The following GRB14 variants were observed in gnomAD, a reference collection of about 807,000 sequenced individuals.
GRB14 encodes growth factor receptor-bound protein 14.
In GRB14, 38 loss-of-function variants were observed where a neutral mutation model predicts 69.1. The ratio of observed to expected loss-of-function variants is 0.55; its 90% CI spans 0.42 to 0.72. The LOEUF (loss-of-function observed/expected upper bound fraction) is 0.72. Ranked by LOEUF, GRB14 falls within the 30% of genes least tolerant of loss-of-function variation. The pLI, the probability that GRB14 is intolerant of heterozygous loss-of-function variation, is 0.00. For synonymous variants in GRB14, 247 were observed against 241.3 expected (o/e 1.02, Z -0.22); for missense variants, 666 against 666.1 (o/e 1.00, Z 0.00).
chr2:164,615,656 C>A (rs1690272717), intron 2 of GRB14, among the ~76,000 whole-genome samples: 1 of 152,172 alleles, frequency 6.6e-6, no homozygotes, highest in East Asian at 1.9e-4. Flanking sequence ...AATAGAAGAT[C>A]TGAAAAATCC....
chr2:164,493,746 C>T (rs1334844489), intron 13 of GRB14, among the ~76,000 whole-genome samples: 1 of 151,960 alleles, frequency 6.6e-6, no homozygotes, highest in African/African-American at 2.4e-5. Context: ...TTTATATAGC[C>T]TTTGGATAAC....
At chr2:164,540,331 C>A (rs914957707) in intron 3 of GRB14, among the ~76,000 whole-genome samples, 2 of 152,336 alleles carry the variant, frequency 1.3e-5, no homozygotes, top group Admixed American at 1.3e-4. Flanking sequence ...CATCTCCCAG[C>A]TGGTTGTGGT....
chr2:164,514,035 A>G (rs1687411765), intron 6 of GRB14, among the ~76,000 whole-genome samples: 1 of 152,258 alleles, frequency 6.6e-6, no homozygotes, highest in Non-Finnish European at 1.5e-5. Flanking sequence ...AAACTTCTGC[A>G]CATGTGTATC....
At chr2:164,574,431 G>A (rs1459656009) in intron 2 of GRB14, among the ~76,000 whole-genome samples, 2 of 151,660 alleles carry the variant, frequency 1.3e-5, no homozygotes, top group Admixed American at 1.3e-4. Context: ...TAGTAGAGAC[G>A]GGGTTCACCA....
At chr2:164,619,920 T>C (rs570274175) in intron 1 of GRB14, 101 bp from the exon 2 acceptor site, 83 of 911,258 alleles carry the variant, frequency 9.1e-5, no homozygotes, top group African/African-American at 9.1e-4. Context: ...TGTACCACTC[T>C]GTGACAAGGC....
intron 13 of GRB14, among the ~76,000 whole-genome samples, chr2:164,493,789 G>GAAA (rs200474918): frequency 9.0e-4 from 133 of 147,686 alleles, no homozygotes; most frequent in African/African-American, 3.2e-3. Context: ...GGACGCACTA[G>GAAA]TAATTTAGCA....
chr2:164,499,008 C>T (rs993525704), intron 9 of GRB14, among the ~76,000 whole-genome samples: 1 of 152,196 alleles, frequency 6.6e-6, no homozygotes. Context: ...CTTCTCACCC[C>T]GTGATCTTCT....
chr2:164,543,782 A>T (rs1056461947), intron 3 of GRB14, among the ~76,000 whole-genome samples: 1 of 152,224 alleles, frequency 6.6e-6, no homozygotes, highest in African/African-American at 2.4e-5. Flanking sequence ...TCCTACCACA[A>T]TTAGACTGAA....
At chr2:164,563,791 C>G (rs1271462925) in intron 2 of GRB14, among the ~76,000 whole-genome samples, 1 of 151,994 alleles carries the variant, frequency 6.6e-6, no homozygotes, top group Non-Finnish European at 1.5e-5. Flanking sequence ...CCATAAATGA[C>G]AAAACATTTT....
chr2:164,613,450 A>C (rs1690213491), intron 2 of GRB14, among the ~76,000 whole-genome samples: 2 of 152,086 alleles, frequency 1.3e-5, no homozygotes, highest in Non-Finnish European at 2.9e-5. Context: ...ACACTGGACT[A>C]ACATACCTCT....
intron 3 of GRB14, among the ~76,000 whole-genome samples, chr2:164,529,863 T>C (rs1687877529): frequency 6.6e-6 from 1 of 152,230 alleles, no homozygotes; most frequent in South Asian, 2.1e-4. Context: ...GCATATAGTC[T>C]GGCAGTTAGT....
chr2:164,573,587 G>A (rs1430173444), intron 2 of GRB14, among the ~76,000 whole-genome samples: 1 of 151,808 alleles, frequency 6.6e-6, no homozygotes, highest in Non-Finnish European at 1.5e-5. Context: ...CAAAATGTAA[G>A]TCACCCTTTA....
intron 2 of GRB14, among the ~76,000 whole-genome samples, chr2:164,614,959 G>C (rs1690252941): frequency 1.3e-5 from 2 of 152,094 alleles, no homozygotes; most frequent in South Asian, 4.1e-4. Context: ...CGAGCATATG[G>C]AAAACTAATT....
At position 164,619,827 on chromosome 2, in the gene GRB14, A is replaced by G; in HGVS notation, c.192-8T>C. 2 of 1,596,552 alleles carry G rather than the reference A, an allele frequency of 1.3e-6. No homozygotes were observed. Among genetic ancestry groups the G allele is most frequent in the Non-Finnish European group, 1.7e-6 (2 of 1,170,128 alleles). On this transcript the variant is annotated splice_region_variant and splice_polypyrimidine_tract_variant and intron_variant, in intron 1 of 13. Transcript: ENST00000263915. ...AGATCTTTCTTTTTTCTCCTACAGT[A>G]AGAGAACATAGGATGTAATTTACAT...
intron 2 of GRB14, among the ~76,000 whole-genome samples, chr2:164,587,014 G>A (rs1225886387): frequency 1.3e-5 from 2 of 152,148 alleles, no homozygotes; most frequent in Non-Finnish European, 2.9e-5. Context: ...GAGATTAAAT[G>A]AGCCTATTAA....
At chr2:164,494,782 T>C (rs1686848890) in intron 12 of GRB14, among the ~76,000 whole-genome samples, 1 of 152,158 alleles carries the variant, frequency 6.6e-6, no homozygotes, top group Admixed American at 6.5e-5. Context: ...TTGATCACAA[T>C]AAACAATACA....
intron 6 of GRB14, among the ~76,000 whole-genome samples, chr2:164,514,241 TGA>T (rs1374493645): frequency 2.6e-5 from 4 of 152,256 alleles, no homozygotes; most frequent in Admixed American, 2.6e-4. Context: ...CGGAACAGCA[TGA>T]GGAGATTCAC....
intron 2 of GRB14, among the ~76,000 whole-genome samples, chr2:164,600,650 C>A (rs1689893049): frequency 6.6e-6 from 1 of 152,142 alleles, no homozygotes; most frequent in African/African-American, 2.4e-5. Flanking sequence ...ATACTCTAAG[C>A]ATGTGATATG....
chr2:164,493,043 G>A lies in GRB14; in HGVS notation c.1616C>T (p.Ala539Val), dbSNP rs771608934. 3 of 1,612,298 alleles carry A rather than the reference G, an allele frequency of 1.9e-6. No homozygotes were observed. Among genetic ancestry groups the A allele is most frequent in the South Asian group, 2.2e-5 (2 of 90,868 alleles). The stretch of plus-strand genomic sequence containing the variant: ...AAGTCACTTCTGGCTTGTCTAGAGA[G>A]CAATCCTAGCACAATAATGTTTCAA... Reference protein sequence around the residue: ...CKLKHYCARIAL With the variant: ...CKLKHYCARIVL Residue 539 changes from alanine (A) to valine (V), a missense_variant, in exon 14 of 14, where the codon GCT (alanine) becomes GTT (valine). Ala to Val is a moderately conservative substitution (Grantham distance 64, BLOSUM62 0). Coordinates refer to ENST00000263915, the MANE Select transcript of GRB14 (RefSeq NM_004490.3).
Sources: allele counts gnomAD v4.1 joint callset (sites outside exome capture counted in the v4.1 genomes callset), GRCh38; gene constraint gnomAD v4.1.1; transcripts MANE v1.5; gene names NCBI Gene and HGNC (gene_info 2026-07-23, HGNC 2026-07-21).